Variants in HLA-DOB observed in about 807,000 individuals in gnomAD.
HLA-DOB encodes the protein HLA class II histocompatibility antigen, DO beta chain.
In HLA-DOB, 25 loss-of-function variants were observed where a neutral mutation model predicts 27.7. The observed-to-expected ratio is 0.90, with a 90% CI of 0.66 to 1.26. The LOEUF is 1.26. Ranked by LOEUF, HLA-DOB falls within the 50% of genes most tolerant of loss-of-function variation. The probability of loss-of-function intolerance (pLI) is 0.00; values close to 1 mark genes in which losing one functional copy is unlikely to be tolerated. For missense variants in HLA-DOB, 306 were observed against 324.9 expected, an observed-to-expected ratio of 0.94 and a Z score of 0.45; for synonymous variants, 137 against 125.6, an observed-to-expected ratio of 1.09 and a Z score of -0.61.
In HLA-DOB at chr6:32,816,882, T is replaced by C. The variant is rs1441749779; in HGVS notation, c.70A>G (p.Thr24Ala). ...TTACCTGGAGAGTCTGTGCCTTGAGTCATGGAGGAATCCAGTCGGGTCAGA... is the reference window on the plus strand; with the variant it reads ...TTACCTGGAGAGTCTGTGCCTTGAGCCATGGAGGAATCCAGTCGGGTCAGA... ...VNLTRLDSSM[T>A]QGTDSPEDFV... The change falls in exon 1 of 6, where the codon ACT (threonine) becomes GCT (alanine). Residue 24 changes from threonine (T) to alanine (A), a missense_variant. Thr to Ala is a moderately conservative substitution (Grantham distance 58). Coordinates refer to ENST00000438763, the MANE Select transcript of HLA-DOB (RefSeq NM_002120.4). The C allele has an allele frequency of 6.2e-7, 1 of 1,612,792 alleles. No individual in the cohort carries two copies. Among genetic ancestry groups the C allele is most frequent in the Admixed American group, 1.7e-5 (1 of 60,020 alleles).
chr6:32,815,110 G>C lies in HLA-DOB; in HGVS notation c.295C>G (p.Gln99Glu). 3 of 1,614,166 alleles carry C rather than the reference G, an allele frequency of 1.9e-6. No individual in the cohort carries two copies. Among genetic ancestry groups the C allele is most frequent in the Non-Finnish European group, 2.5e-6 (3 of 1,180,024 alleles). Residue 99 changes from glutamine to glutamate, a missense_variant, in exon 2 of 6, where the codon CAG becomes GAG. Transcript: ENST00000438763. ...SRLDLLERSR[Q>E]AVDGVCRHNY... The stretch of plus-strand genomic sequence containing the variant: ...TGTCTACAGACCCCATCCACGGCCT[G>C]TCTGCTCCTCTCCAAGAGATCCAGC...
At chr6:32,815,760 T>C (rs1350431908) in intron 1 of HLA-DOB, among the ~76,000 whole-genome samples, 1 of 152,214 alleles carries the variant, frequency 6.6e-6, no homozygotes, top group Non-Finnish European at 1.5e-5. Flanking sequence ...ATAATGTAGG[T>C]AAGTCAGGAA....
chr6:32,814,506 T>C lies in HLA-DOB; in HGVS notation c.457A>G (p.Ile153Val). ...CSVTGFYPGDIKIKWFLNGQE... is the reference protein window; with the variant it reads ...CSVTGFYPGDVKIKWFLNGQE... ...CCATTCAGGAACCACTTGATCTTGA[T>C]ATCCCCTGGATAGAAGCCTGTCACA... Residue 153 changes from isoleucine to valine, a missense_variant, in exon 3 of 6, where the codon ATC becomes GTC. Physicochemically the swap from Ile to Val is conservative, Grantham distance 29. Coordinates refer to ENST00000438763, the MANE Select transcript of HLA-DOB (RefSeq NM_002120.4). 2 of 1,613,098 alleles carry C rather than the reference T, an allele frequency of 1.2e-6. No homozygotes were observed.
At chr6:32,814,265 T>C in intron 3 of HLA-DOB, 55 bp downstream of exon 3, 1 of 1,493,580 alleles carries the variant, frequency 6.7e-7, no homozygotes, top group Non-Finnish European at 9.3e-7. Context: ...AGGCTCTGTA[T>C]TGAGTCAGTA....
intron 1 of HLA-DOB, 60 bp downstream of exon 1, chr6:32,816,801 T>A: frequency 7.4e-7 from 1 of 1,360,432 alleles, no homozygotes; most frequent in Non-Finnish European, 1.0e-6. Flanking sequence ...AAGAAAGGCA[T>A]CACTCCCCCA....
intron 5 of HLA-DOB, 80 bp downstream of exon 5, chr6:32,813,360 C>T: frequency 6.3e-7 from 1 of 1,586,516 alleles, no homozygotes; most frequent in South Asian, 1.1e-5. Flanking sequence ...TTACTCCTCC[C>T]TACCCCCATG....
Position 32,814,501 on chromosome 6 carries a change from C to T in HLA-DOB, c.462G>A (p.Lys154=), listed in dbSNP as rs202214628. The change falls in exon 3 of 6, where the codon AAG becomes AAA. Residue 154 remains lysine (K), a synonymous_variant. Transcript: ENST00000438763. ...CCTGCCCATTCAGGAACCACTTGAT[C>T]TTGATATCCCCTGGATAGAAGCCTG... is the stretch of plus-strand genomic sequence containing the variant. The part of the protein sequence containing the change: ...SVTGFYPGDI[K]IKWFLNGQEE... 25 of 1,613,060 alleles carry T rather than the reference C, an allele frequency of 1.5e-5. 2 individuals carry two copies. In the Middle Eastern group the frequency reaches 1.5e-3, roughly 96 times the overall value.
chr6:32,816,331 G>C (rs1288751426), intron 1 of HLA-DOB, among the ~76,000 whole-genome samples: 1 of 152,206 alleles, frequency 6.6e-6, no homozygotes, highest in Non-Finnish European at 1.5e-5. Flanking sequence ...GGAGGACAAG[G>C]ACAATGTATT....
At chr6:32,816,021 A>G (rs757480770) in intron 1 of HLA-DOB, among the ~76,000 whole-genome samples, 32 of 152,240 alleles carry the variant, frequency 2.1e-4, no homozygotes, top group Non-Finnish European at 4.3e-4. Context: ...CCAGGGGGGA[A>G]ATCTGAATTT....
At chr6:32,814,934 A>C (rs1767953951) in intron 2 of HLA-DOB, 110 bp downstream of exon 2, 2 of 1,260,562 alleles carry the variant, frequency 1.6e-6, no homozygotes, top group Non-Finnish European at 1.1e-6. Flanking sequence ...ACATCTACAC[A>C]GACAACCATT....
intron 1 of HLA-DOB, among the ~76,000 whole-genome samples, chr6:32,816,548 C>T (rs1034698593): frequency 5.3e-5 from 8 of 152,208 alleles, no homozygotes; most frequent in Non-Finnish European, 8.8e-5. Context: ...TCCCAGCAGG[C>T]TCGAACCCAA....
At chr6:32,816,781 T>C (rs1274274815) in intron 1 of HLA-DOB, 80 bp downstream of exon 1, 2 of 1,159,852 alleles carry the variant, frequency 1.7e-6, no homozygotes, top group Non-Finnish European at 2.6e-6. Flanking sequence ...GTCTGTGGCC[T>C]GGACTTACAA....
chr6:32,814,189 G>T, intron 3 of HLA-DOB, 131 bp downstream of exon 3: 2 of 889,098 alleles, frequency 2.2e-6, no homozygotes, highest in Non-Finnish European at 3.4e-6. Flanking sequence ...TCTGGTTTCT[G>T]TGACTGTCCC....
chr6:32,816,944 G>C lies in HLA-DOB; in HGVS notation c.8C>G (p.Ser3Cys). 1.2e-6 allele frequency: 2 copies of C among 1,612,484 alleles called. No homozygotes were observed. Among genetic ancestry groups the C allele is most frequent in the African/African-American group, 2.7e-5 (2 of 75,008 alleles). ...AGCCACCACCCAGGGGACCCACCCA[G>C]AACCCATTCTGGAGAAAGGAAAAAA... MGSGWVPWVVALL... is the reference protein window; with the variant it reads MGCGWVPWVVALL... The change falls in exon 1 of 6, where the codon TCT (serine) becomes TGT (cysteine). Residue 3 changes from serine (S) to cysteine (C), a missense_variant. Transcript: ENST00000438763.
At position 32,814,476 on chromosome 6, in the gene HLA-DOB, C is replaced by T. The variant is rs1297119344; in HGVS notation, c.487G>A (p.Glu163Lys). The T allele has an allele frequency of 1.2e-6, 2 of 1,613,082 alleles. No individual in the cohort carries two copies. Among genetic ancestry groups the T allele is most frequent in the East Asian group, 2.2e-5 (1 of 44,884 alleles). ...IKIKWFLNGQ[E>K]ERAGVMSTGP... Reference sequence around the variant, plus strand: ...GTGGACATGACCCCAGCTCTCTCCTCCTGCCCATTCAGGAACCACTTGATC... The same window carrying T: ...GTGGACATGACCCCAGCTCTCTCCTTCTGCCCATTCAGGAACCACTTGATC... The change falls in exon 3 of 6, where the codon GAG (glutamate) becomes AAG (lysine). Residue 163 changes from glutamate to lysine, a missense_variant. Coordinates refer to ENST00000438763, the MANE Select transcript of HLA-DOB (RefSeq NM_002120.4).
intron 2 of HLA-DOB, among the ~76,000 whole-genome samples, chr6:32,814,826 GGCACAATA>G (rs1428365343): frequency 1.3e-5 from 2 of 152,104 alleles, no homozygotes; most frequent in African/African-American, 4.8e-5. Context: ...TCTCTTTGAG[GGCACAATA>G]GCCCTCGAAG....
intron 4 of HLA-DOB, 29 bp downstream of exon 4, chr6:32,813,694 T>G (rs1270954668): frequency 7.1e-7 from 1 of 1,408,690 alleles, no homozygotes; most frequent in Non-Finnish European, 9.8e-7. Flanking sequence ...CTGGGACAGG[T>G]GGCAGGGCAC....
chr6:32,812,947 G>C lies in HLA-DOB; in HGVS notation c.*269C>G. ...ACCACAGAAAAGTAAATGATTTGGGGCTGGAAGGAGTAAGGTCTCAGGGGA... is the reference window on the plus strand; with the variant it reads ...ACCACAGAAAAGTAAATGATTTGGGCCTGGAAGGAGTAAGGTCTCAGGGGA... On this transcript the variant is annotated 3_prime_UTR_variant, in exon 6 of 6. Coordinates refer to ENST00000438763, the MANE Select transcript of HLA-DOB (RefSeq NM_002120.4). 1 of 548,620 alleles carries C rather than the reference G, an allele frequency of 1.8e-6. No homozygotes were observed. Among genetic ancestry groups the C allele is most frequent in the Non-Finnish European group, 3.3e-6 (1 of 307,668 alleles). The allele number at this position is 548,620 out of a possible 1,614,324, so 34.0% of individuals were successfully genotyped here.
chr6:32,816,599 T>TAC (rs980485467), intron 1 of HLA-DOB, among the ~76,000 whole-genome samples: 79 of 152,286 alleles, frequency 5.2e-4, no homozygotes, highest in African/African-American at 1.8e-3. Context: ...CTGAGGTTGA[T>TAC]ACACACAATA....
Sources: gnomAD v4.1 joint callset for allele counts (sites outside exome capture counted in the v4.1 genomes callset) on GRCh38, gnomAD v4.1.1 for gene constraint, MANE v1.5 for transcripts, NCBI Gene and HGNC (gene_info 2026-07-23, HGNC 2026-07-21) for gene names.